Variants in ADAMTS17 observed in about 807,000 individuals in gnomAD.
ADAMTS17 encodes ADAM metallopeptidase with thrombospondin type 1 motif 17.
Under a neutral mutation model 141.5 loss-of-function variants are expected in ADAMTS17, and 113 were observed. The observed-to-expected ratio is 0.80, with a 90% CI of 0.69 to 0.93. ADAMTS17 has a LOEUF of 0.93. Among genes scored for constraint, ADAMTS17 ranks in the 40% least tolerant of loss-of-function variants. ADAMTS17 has a pLI of 0.00. For missense variants in ADAMTS17, 1,659 were observed against 1,517.9 expected (o/e 1.09, Z -1.54); for synonymous variants, 768 against 630.6 (o/e 1.22, Z -3.27).
chr15:100,117,079 GTC>G, intron 12 of ADAMTS17, 66 bp from the exon 13 acceptor site: 2 of 1,528,056 alleles, frequency 1.3e-6, no homozygotes, highest in Non-Finnish European at 1.8e-6. Context: ...AGCTGTTTCC[GTC>G]TCTCTTGCCA....
At chr15:100,260,998 CA>C (rs1353754234) in intron 6 of ADAMTS17, among the ~76,000 whole-genome samples, 1 of 151,970 alleles carries the variant, frequency 6.6e-6, no homozygotes, top group African/African-American at 2.4e-5. Context: ...GGGTTGAAAA[CA>C]TAAGAAAAAA....
intron 7 of ADAMTS17, among the ~76,000 whole-genome samples, chr15:100,233,554 C>T (rs2042557596): frequency 6.6e-6 from 1 of 152,106 alleles, no homozygotes; most frequent in African/African-American, 2.4e-5. Context: ...ATTAATAAAA[C>T]TCATTGCATC....
intron 14 of ADAMTS17, among the ~76,000 whole-genome samples, chr15:100,099,302 G>A (rs192975216): frequency 2.0e-3 from 298 of 152,266 alleles, no homozygotes; most frequent in Middle Eastern, 0.01. Flanking sequence ...AAATGCTGAC[G>A]GGTGACAGCC....
chr15:100,166,097 T>C (rs941383983), intron 8 of ADAMTS17, among the ~76,000 whole-genome samples: 1 of 152,232 alleles, frequency 6.6e-6, no homozygotes, highest in African/African-American at 2.4e-5. Context: ...AGGCTTTTTT[T>C]GAATGACCTT....
At chr15:100,296,037 C>T (rs982800897) in intron 3 of ADAMTS17, among the ~76,000 whole-genome samples, 1 of 152,052 alleles carries the variant, frequency 6.6e-6, no homozygotes, top group African/African-American at 2.4e-5. Context: ...AGTATCAAAG[C>T]GTACCACAGA....
At position 99,974,365 on chromosome 15, in the gene ADAMTS17, C is replaced by G; in HGVS notation, c.*37G>C. On this transcript the variant is annotated 3_prime_UTR_variant, in exon 22 of 22. Coordinates refer to ENST00000268070, the MANE Select transcript of ADAMTS17 (RefSeq NM_139057.4). ...GCTTGCGGGTGGGTGGGTTTCAGAC[C>G]TGAGTCTGAGCTTTGAGCGACCCTT... 1 of 1,613,534 alleles carries G rather than the reference C, an allele frequency of 6.2e-7. No individual in the cohort carries two copies. The highest frequency in any genetic ancestry group is 8.5e-7 in the Non-Finnish European group (1 of 1,179,994).
At chr15:100,010,271 C>A (rs1055470349) in intron 18 of ADAMTS17, among the ~76,000 whole-genome samples, 1 of 152,198 alleles carries the variant, frequency 6.6e-6, no homozygotes, top group African/African-American at 2.4e-5. Flanking sequence ...ATACAGGGTT[C>A]CTCACCCATA....
chr15:100,193,245 G>T (rs1271384545), intron 8 of ADAMTS17, among the ~76,000 whole-genome samples: 1 of 152,220 alleles, frequency 6.6e-6, no homozygotes, highest in East Asian at 1.9e-4. Context: ...TTTGCGCCAT[G>T]TCCTCCTTGA....
intron 7 of ADAMTS17, among the ~76,000 whole-genome samples, chr15:100,231,988 G>C (rs926629913): frequency 3.9e-5 from 6 of 152,136 alleles, no homozygotes; most frequent in African/African-American, 1.4e-4. Context: ...CATTTTACTT[G>C]TGAATTATAC....
chr15:99,982,378 G>A lies in ADAMTS17; in HGVS notation c.2950-6156C>T, dbSNP rs1044289010. Among the ~76,000 whole-genome samples, 9 of 152,248 alleles carry A rather than the reference G, an allele frequency of 5.9e-5. No homozygotes were observed. The East Asian group carries it at 1.7e-3, about 30-fold the overall frequency. On this transcript the variant is annotated intron_variant, in intron 20 of 21. Transcript: ENST00000268070. Reference sequence around the variant, plus strand: ...TCTGCCTGGCTCCCTGAGTTGATCAGGCAGCCAGACCTCAGGGAGCACAAT... The same window carrying A: ...TCTGCCTGGCTCCCTGAGTTGATCAAGCAGCCAGACCTCAGGGAGCACAAT...
chr15:100,162,121 C>T (rs1567283579), intron 8 of ADAMTS17, among the ~76,000 whole-genome samples: 1 of 152,084 alleles, frequency 6.6e-6, no homozygotes, highest in Non-Finnish European at 1.5e-5. Context: ...GAATAGACAA[C>T]ATCATAGCAG....
At chr15:100,173,650 C>T (rs2040237268) in intron 8 of ADAMTS17, among the ~76,000 whole-genome samples, 1 of 152,240 alleles carries the variant, frequency 6.6e-6, no homozygotes, top group Non-Finnish European at 1.5e-5. Flanking sequence ...CTCTTATTCA[C>T]TGGACTCTGC....
At chr15:100,328,910 A>G (rs1462249368) in intron 3 of ADAMTS17, among the ~76,000 whole-genome samples, 1 of 152,156 alleles carries the variant, frequency 6.6e-6, no homozygotes, top group Admixed American at 6.5e-5. Flanking sequence ...GTTTCGTTGC[A>G]TGGCCCTGCT....
intron 8 of ADAMTS17, among the ~76,000 whole-genome samples, chr15:100,173,194 C>A (rs557927182): frequency 1.3e-5 from 2 of 151,944 alleles, no homozygotes; most frequent in South Asian, 4.1e-4. Flanking sequence ...TATTTTTTTT[C>A]TTTTCTTTTC....
chr15:100,230,798 C>T (rs1295688482), intron 7 of ADAMTS17, among the ~76,000 whole-genome samples: 2 of 81,428 alleles, frequency 2.5e-5, no homozygotes, highest in African/African-American at 3.8e-5. Flanking sequence ...TAAACACACA[C>T]ACACCTAGCT....
At position 100,029,511 on chromosome 15, in the gene ADAMTS17, T is replaced by C. The variant is rs149130124; in HGVS notation, c.2591+19346A>G. ...TCAATTAGGGCATCCGGCTGCCTCA[T>C]TTCCATCCCCAGCTCCAGTCACCAG... is the stretch of plus-strand genomic sequence containing the variant. On this transcript the variant is annotated intron_variant, in intron 18 of 21. Transcript: ENST00000268070. Among the ~76,000 whole-genome samples the C allele has an allele frequency of 3.3e-5, 5 of 152,284 alleles. No individual in the cohort carries two copies. The East Asian group carries it at 9.6e-4, about 29-fold the overall frequency.
At chr15:100,010,946 G>A (rs1243755810) in intron 18 of ADAMTS17, among the ~76,000 whole-genome samples, 1 of 152,042 alleles carries the variant, frequency 6.6e-6, no homozygotes, top group Non-Finnish European at 1.5e-5. Context: ...TTTTGAAAGA[G>A]GAAATGAAAA....
Position 100,051,561 on chromosome 15 carries a change from CG to C in ADAMTS17, c.2455+10del. The C allele has an allele frequency of 6.2e-7, 1 of 1,612,986 alleles. No individual in the cohort carries two copies. ...CCCACACCCAACAGGTCATGGACCA[CG>C]GCCACTCACCTCCGCCGCACTGCAC... On this transcript the variant is annotated intron_variant, in intron 17 of 21. Transcript: ENST00000268070.
At chr15:100,213,533 G>A (rs2041874250) in intron 7 of ADAMTS17, among the ~76,000 whole-genome samples, 1 of 152,148 alleles carries the variant, frequency 6.6e-6, no homozygotes, top group South Asian at 2.1e-4. Context: ...CGTCAGCATG[G>A]GAACAGAAAA....
Sources: allele counts gnomAD v4.1 joint callset (sites outside exome capture counted in the v4.1 genomes callset), GRCh38; gene constraint gnomAD v4.1.1; transcripts MANE v1.5; gene names NCBI Gene and HGNC (gene_info 2026-07-23, HGNC 2026-07-21).